Variants in OR52N2 observed in about 807,000 individuals in gnomAD.
OR52N2 encodes olfactory receptor family 52 subfamily N member 2, also known as olfactory receptor 52N2.
For synonymous variants in OR52N2, 129 were observed against 72.0 expected, an observed-to-expected ratio of 1.79 and a Z score of -4.01; for missense variants, 326 against 196.6, an observed-to-expected ratio of 1.66 and a Z score of -3.94.
intron 1 of OR52N2, among the ~76,000 whole-genome samples, chr11:5,815,879 TGTGTATGTGTGTATATAC>T (rs1414511094): frequency 2.3e-5 from 2 of 85,272 alleles, no homozygotes; most frequent in African/African-American, 9.3e-5. Context: ...GTAGTATGTA[TGTGTATGTGTGTATATAC>T]ATGTGTGTAT....
intron 1 of OR52N2, among the ~76,000 whole-genome samples, chr11:5,817,655 G>A (rs533776513): frequency 9.9e-5 from 15 of 152,222 alleles, no homozygotes; most frequent in Admixed American, 2.0e-4. Context: ...TGGTTCAGTC[G>A]CTTTGCATGG....
In OR52N2 at chr11:5,820,838, T is replaced by G. The variant is rs1227280064; in HGVS notation, c.503T>G (p.Leu168Arg). Residue 168 changes from leucine to arginine, a missense_variant, in exon 2 of 2, where the codon CTG (leucine) becomes CGG (arginine). Transcript: ENST00000317037. ...IIPFTLLTKR[L>R]PYCRGNFIPH... is the part of the protein sequence containing the mutation. ...CCATTCACTCTCCTCACCAAGCGCC[T>G]GCCCTATTGCCGGGGGAACTTCATC... 6 of 780,468 alleles carry G rather than the reference T, an allele frequency of 7.7e-6. No individual in the cohort carries two copies. Among genetic ancestry groups the G allele is most frequent in the Admixed American group, 6.8e-5 (4 of 58,998 alleles). The allele number at this position is 780,468 out of a possible 1,614,324, so 48.3% of individuals were successfully genotyped here.
At chr11:5,818,826 G>A (rs1321157138) in intron 1 of OR52N2, among the ~76,000 whole-genome samples, 2 of 152,038 alleles carry the variant, frequency 1.3e-5, no homozygotes, top group Non-Finnish European at 2.9e-5. Context: ...AGTTTGTCTT[G>A]TCTAAGAACA....
rs755371207 is a variant in OR52N2 at position 5,820,866 on chromosome 11, C to T, written c.531C>T (p.Pro177=). The change falls in exon 2 of 2, where the codon CCC becomes CCT. Residue 177 remains proline (P), a synonymous_variant. Transcript: ENST00000317037. The stretch of plus-strand genomic sequence containing the variant: ...CCTATTGCCGGGGGAACTTCATCCC[C>T]CACACCTACTGTGACCATATGTCTG... ...RLPYCRGNFI[P]HTYCDHMSVA... is the part of the protein sequence containing the mutation. 2.6e-6 allele frequency: 2 copies of T among 780,868 alleles called. No homozygotes were observed. The highest frequency in any genetic ancestry group is 4.8e-6 in the Non-Finnish European group (2 of 418,120). 48.4% of individuals were successfully genotyped at this position (780,868 alleles called of 1,614,324 possible).
rs781461145 is a variant in OR52N2, at chr11:5,820,397, G to A, written c.62G>A (p.Gly21Glu). ...PGFFILNGVPGLEATHIWISL... is the reference protein window; with the variant it reads ...PGFFILNGVPELEATHIWISL... ...TTCTTTATCTTGAATGGCGTTCCTG[G>A]GCTGGAAGCCACACACATCTGGATC... is the stretch of plus-strand genomic sequence containing the variant. The change falls in exon 2 of 2, where the codon GGG becomes GAG. Residue 21 changes from glycine (G) to glutamate (E), a missense_variant. Transcript: ENST00000317037. 6.4e-6 allele frequency: 5 copies of A among 780,836 alleles called. No individual in the cohort carries two copies. The highest frequency in any genetic ancestry group is 1.2e-5 in the Non-Finnish European group (5 of 418,060). 48.4% of individuals were successfully genotyped at this position (780,836 alleles called of 1,614,324 possible). A position where few individuals can be genotyped will look rare whatever the true frequency, so the allele number is the denominator to read the frequency against.
rs1274146752 is a variant in OR52N2 at position 5,809,046 on chromosome 11, C to T, written c.-63C>T. Among the ~76,000 whole-genome samples the T allele has an allele frequency of 1.3e-5, 2 of 152,136 alleles. No individual in the cohort carries two copies. Among genetic ancestry groups the T allele is most frequent in the Admixed American group, 6.5e-5 (1 of 15,276 alleles). ...ACCGCAACGGGGCATTGGAATGCGT[C>T]TCCCCTGGGTAGGATGACTGAAGAT... On this transcript the variant is annotated 5_prime_UTR_variant, in exon 1 of 2. Transcript: ENST00000317037.
intron 1 of OR52N2, among the ~76,000 whole-genome samples, chr11:5,809,402 T>C (rs1846334102): frequency 1.3e-5 from 2 of 151,920 alleles, no homozygotes; most frequent in African/African-American, 4.8e-5. Flanking sequence ...TTTCTAAATA[T>C]GGAAGGGAAG....
At chr11:5,817,785 G>A (rs1590367415) in intron 1 of OR52N2, among the ~76,000 whole-genome samples, 2 of 152,206 alleles carry the variant, frequency 1.3e-5, no homozygotes, top group East Asian at 3.9e-4. Flanking sequence ...TATCGGTAGA[G>A]AAGAAAAATC....
rs1238544650 is a variant in OR52N2, at chr11:5,820,495, G to T, written c.160G>T (p.Glu54Ter). ...TGGGCTCATCTGCCTCATCAGCCAT[G>T]AGGAGGCCCTGCACCGGCCCATGTA... ...NCGLICLISH[E>*]EALHRPMYYF... Residue 54 changes from glutamate (E) to a stop codon, truncating the protein, a stop_gained, in exon 2 of 2, where the codon GAG (glutamate) becomes TAG (stop). Coordinates refer to ENST00000317037, the MANE Select transcript of OR52N2 (RefSeq NM_001005174.3). LOFTEE classifies it low-confidence loss of function (END_TRUNC). 1.3e-6 allele frequency: 1 copy of T among 778,952 alleles called. No homozygotes were observed. The highest frequency in any genetic ancestry group is 1.7e-5 in the Admixed American group (1 of 58,910). 48.3% of individuals were successfully genotyped at this position (778,952 alleles called of 1,614,324 possible).
In OR52N2 at chr11:5,819,298, T is replaced by C. The variant is rs76349663; in HGVS notation, c.-54-984T>C. On this transcript the variant is annotated intron_variant, in intron 1 of 1. Transcript: ENST00000317037. ...TTCCTTCAAATACTATTCAATTCTT[T>C]CTACTGCTCCATCAAGAAATAGCAA... 2.1e-4 allele frequency among the ~76,000 whole-genome samples: 32 copies of C among 152,314 alleles called. 1 individual carries two copies. The East Asian group carries it at 6.2e-3, about 29-fold the overall frequency.
chr11:5,809,231 A>C (rs1846332744), intron 1 of OR52N2, among the ~76,000 whole-genome samples, 177 bp downstream of exon 1: 2 of 152,206 alleles, frequency 1.3e-5, no homozygotes, highest in Admixed American at 6.5e-5. Context: ...TGCCACTCGC[A>C]TCAATCAAGA....
At chr11:5,814,348 C>T (rs529942933) in intron 1 of OR52N2, among the ~76,000 whole-genome samples, 67 of 25,056 alleles carry the variant, frequency 2.7e-3, no homozygotes, top group Middle Eastern at 0.062. Context: ...CCTTTTTATA[C>T]GTTAACAACA....
chr11:5,818,427 T>C (rs990210640), intron 1 of OR52N2, among the ~76,000 whole-genome samples: 3 of 152,072 alleles, frequency 2.0e-5, no homozygotes, highest in Non-Finnish European at 4.4e-5. Flanking sequence ...GGCATCTTGT[T>C]GGAAATTCCC....
chr11:5,817,737 T>C (rs918233663), intron 1 of OR52N2, among the ~76,000 whole-genome samples: 10 of 152,160 alleles, frequency 6.6e-5, no homozygotes, highest in African/African-American at 2.4e-4. Context: ...AAATTGTGCA[T>C]GCCTTTTGAG....
rs1228055201 is a variant in OR52N2 at position 5,821,426 on chromosome 11, T to A, written c.*125T>A. 3.4e-6 allele frequency: 2 copies of A among 594,226 alleles called. No individual in the cohort carries two copies. Among genetic ancestry groups the A allele is most frequent in the South Asian group, 4.6e-5 (2 of 43,788 alleles). 36.8% of individuals were successfully genotyped at this position (594,226 alleles called of 1,614,324 possible). A position where few individuals can be genotyped will look rare whatever the true frequency, so the allele number is the denominator to read the frequency against. On this transcript the variant is annotated 3_prime_UTR_variant, in exon 2 of 2. Transcript: ENST00000317037. Reference sequence around the variant, plus strand: ...TTTACCCATGTAACAAACTTGCACGTGTACCTAAAATAAAAATAGAAATAA... The same window carrying A: ...TTTACCCATGTAACAAACTTGCACGAGTACCTAAAATAAAAATAGAAATAA...
chr11:5,818,070 AATAATT>A (rs1435478946), intron 1 of OR52N2, among the ~76,000 whole-genome samples: 3 of 152,194 alleles, frequency 2.0e-5, no homozygotes, highest in African/African-American at 7.2e-5. Flanking sequence ...TATTATACAT[AATAATT>A]ATAAAGTGAT....
At chr11:5,812,565 T>C (rs1846372677) in intron 1 of OR52N2, among the ~76,000 whole-genome samples, 2 of 150,552 alleles carry the variant, frequency 1.3e-5, no homozygotes, top group South Asian at 4.2e-4. Flanking sequence ...TATATATTGA[T>C]ACAGAGGGCA....
At chr11:5,818,769 G>A (rs1846423988) in intron 1 of OR52N2, among the ~76,000 whole-genome samples, 1 of 151,934 alleles carries the variant, frequency 6.6e-6, no homozygotes, top group Non-Finnish European at 1.5e-5. Context: ...TCATTTCAAT[G>A]TGGTGTACAC....
At chr11:5,818,808 A>T (rs1229170183) in intron 1 of OR52N2, among the ~76,000 whole-genome samples, 1 of 152,210 alleles carries the variant, frequency 6.6e-6, no homozygotes, top group Non-Finnish European at 1.5e-5. Flanking sequence ...TAGAAATTTT[A>T]ATCTTTAAGT....
Sources: allele counts gnomAD v4.1 joint callset (sites outside exome capture counted in the v4.1 genomes callset), GRCh38; gene constraint gnomAD v4.1.1; transcripts MANE v1.5; gene names NCBI Gene and HGNC (gene_info 2026-07-23, HGNC 2026-07-21).